The following SSBP2 variants were observed in gnomAD, a reference collection of about 807,000 sequenced individuals.
SSBP2 encodes the protein single stranded DNA binding protein 2.
In SSBP2, 17 loss-of-function variants were observed where a neutral mutation model predicts 61.8. The observed-to-expected ratio is 0.28, with a 90% CI of 0.19 to 0.41. SSBP2 has a LOEUF of 0.41. SSBP2 is among the 10% of genes least tolerant of loss of function. The probability of loss-of-function intolerance (pLI) is 1.00; values close to 1 mark genes in which losing one functional copy is unlikely to be tolerated. For synonymous variants in SSBP2, 139 were observed against 141.3 expected (o/e 0.98, Z 0.12); for missense variants, 310 against 458.7 (o/e 0.68, Z 2.96).
At chr5:81,555,021 T>C (rs2153385534) in intron 4 of SSBP2, among the ~76,000 whole-genome samples, 1 of 152,208 alleles carries the variant, frequency 6.6e-6, no homozygotes, top group Middle Eastern at 3.4e-3. Flanking sequence ...TAAAACTACT[T>C]TAAGTTTCAT....
At chr5:81,649,456 A>T (rs904715394) in intron 2 of SSBP2, among the ~76,000 whole-genome samples, 1 of 152,114 alleles carries the variant, frequency 6.6e-6, no homozygotes, top group Non-Finnish European at 1.5e-5. Context: ...AAAGAATGAA[A>T]TCATGTCTTT....
chr5:81,490,480 GTTA>G (rs1766778756), intron 5 of SSBP2, among the ~76,000 whole-genome samples: 1 of 152,046 alleles, frequency 6.6e-6, no homozygotes, highest in Non-Finnish European at 1.5e-5. Context: ...CGGGTTGAAT[GTTA>G]TTAAGATATT....
At chr5:81,480,276 G>A (rs1301973456) in intron 6 of SSBP2, among the ~76,000 whole-genome samples, 5 of 152,296 alleles carry the variant, frequency 3.3e-5, no homozygotes, top group Non-Finnish European at 7.3e-5. Flanking sequence ...ACACCTCAGA[G>A]ATATTGCTGG....
intron 1 of SSBP2, among the ~76,000 whole-genome samples, chr5:81,723,307 A>G (rs7726984): frequency 0.14 from 21,876 of 151,924 alleles, 2,397 homozygotes; most frequent in East Asian, 0.49. Context: ...CTGGAAGAGG[A>G]AAAATTCATA....
intron 3 of SSBP2, among the ~76,000 whole-genome samples, chr5:81,615,925 G>C (rs1271328511): frequency 6.6e-6 from 1 of 152,190 alleles, no homozygotes; most frequent in Non-Finnish European, 1.5e-5. Context: ...TAATAATTAA[G>C]GAATCAAGTG....
At chr5:81,651,066 T>C (rs1749686045) in intron 1 of SSBP2, among the ~76,000 whole-genome samples, 1 of 152,176 alleles carries the variant, frequency 6.6e-6, no homozygotes, top group Non-Finnish European at 1.5e-5. Flanking sequence ...ATTCAGAATT[T>C]TGAAGCTACA....
At chr5:81,550,280 C>T (rs563349777) in intron 4 of SSBP2, among the ~76,000 whole-genome samples, 3 of 152,124 alleles carry the variant, frequency 2.0e-5, no homozygotes, top group Non-Finnish European at 4.4e-5. Context: ...TTTTATTTAA[C>T]TTCTCCTGTT....
At chr5:81,608,011 A>T (rs2972227) in intron 4 of SSBP2, among the ~76,000 whole-genome samples, 37,184 of 151,978 alleles carry the variant, frequency 0.24, 6,043 homozygotes, top group East Asian at 0.69. Context: ...CCTTGTTTTC[A>T]TGCTAGTCTC....
At chr5:81,568,546 C>T (rs1483140376) in intron 4 of SSBP2, among the ~76,000 whole-genome samples, 2 of 152,122 alleles carry the variant, frequency 1.3e-5, no homozygotes, top group South Asian at 2.1e-4. Flanking sequence ...AAACTGAATC[C>T]TTATGAGAGT....
intron 6 of SSBP2, among the ~76,000 whole-genome samples, chr5:81,487,695 A>ATG: frequency 6.6e-6 from 1 of 151,842 alleles, no homozygotes; most frequent in Non-Finnish European, 1.5e-5. Flanking sequence ...CCTATACATT[A>ATG]TGTAATGATT....
intron 3 of SSBP2, among the ~76,000 whole-genome samples, chr5:81,635,615 G>C (rs897796762): frequency 7.4e-6 from 1 of 135,962 alleles, no homozygotes; most frequent in Admixed American, 8.1e-5. Flanking sequence ...ACATTGTCTC[G>C]CTCTGTGGCC....
At chr5:81,642,850 A>G (rs1324541626) in intron 2 of SSBP2, among the ~76,000 whole-genome samples, 2 of 152,250 alleles carry the variant, frequency 1.3e-5, no homozygotes, top group East Asian at 3.8e-4. Flanking sequence ...TGTATAAGCT[A>G]ACATTTGTAC....
rs1014021310 is a variant in SSBP2 at position 81,671,730 on chromosome 5, G to C, written c.63-21391C>G. Among the ~76,000 whole-genome samples, 6 of 152,116 alleles carry C rather than the reference G, an allele frequency of 3.9e-5. No homozygotes were observed. In the East Asian group the frequency reaches 1.2e-3, roughly 29 times the overall value. On this transcript the variant is annotated intron_variant, in intron 1 of 16. Transcript: ENST00000320672. ...TTGCCCTTAAGTAATTTTCAGATTT[G>C]CTAATGGGACAAGACATATAATTAA...
chr5:81,725,542 A>T (rs1244816648), intron 1 of SSBP2, among the ~76,000 whole-genome samples: 7 of 152,154 alleles, frequency 4.6e-5, no homozygotes, highest in Non-Finnish European at 4.4e-5. Flanking sequence ...AAAAGCCCAT[A>T]AGAGGACATG....
chr5:81,535,554 T>C (rs868706413), intron 4 of SSBP2, among the ~76,000 whole-genome samples: 1 of 151,798 alleles, frequency 6.6e-6, no homozygotes, highest in Non-Finnish European at 1.5e-5. Context: ...GAAGGAAAAA[T>C]AGACAAATAG....
chr5:81,446,493 T>C (rs1580706137), intron 12 of SSBP2, among the ~76,000 whole-genome samples: 1 of 152,328 alleles, frequency 6.6e-6, no homozygotes, highest in East Asian at 1.9e-4. Context: ...GTGGTGAGTC[T>C]GATTTGGCAT....
chr5:81,671,532 G>A (rs1751575437), intron 1 of SSBP2, among the ~76,000 whole-genome samples: 2 of 151,910 alleles, frequency 1.3e-5, no homozygotes, highest in Non-Finnish European at 2.9e-5. Context: ...AGTACCATAA[G>A]GATAATTCTA....
chr5:81,604,383 C>T (rs2060584), intron 4 of SSBP2, among the ~76,000 whole-genome samples: 24,022 of 151,624 alleles, frequency 0.16, 2,094 homozygotes, highest in Non-Finnish European at 0.2. Flanking sequence ...TCACTCTTAT[C>T]ACATCATCAT....
intron 1 of SSBP2, among the ~76,000 whole-genome samples, chr5:81,749,980 G>A (rs893380752): frequency 6.6e-6 from 1 of 151,854 alleles, no homozygotes; most frequent in Non-Finnish European, 1.5e-5. Flanking sequence ...TGCCCTCCTC[G>A]GGCGCCCCCG....
Sources: allele counts gnomAD v4.1 joint callset (sites outside exome capture counted in the v4.1 genomes callset), GRCh38; gene constraint gnomAD v4.1.1; transcripts MANE v1.5; gene names NCBI Gene and HGNC (gene_info 2026-07-23, HGNC 2026-07-21).